Variants in COL4A3 observed in about 807,000 individuals in gnomAD.
The protein encoded by COL4A3 is collagen type IV alpha 3 chain, also known as collagen alpha-3(IV) chain.
A neutral mutation model predicts 217.4 loss-of-function variants in COL4A3; 135 were observed. The observed-to-expected ratio is 0.62, with a 90% CI of 0.54 to 0.72. COL4A3 has a LOEUF of 0.72. COL4A3 is among the 30% of genes least tolerant of loss of function. The probability of loss-of-function intolerance (pLI) is 0.00; values close to 1 mark genes in which losing one functional copy is unlikely to be tolerated. For missense variants in COL4A3, 1,868 were observed against 2,119.9 expected (o/e 0.88, Z 2.33); for synonymous variants, 690 against 736.3 (o/e 0.94, Z 1.02).
intron 1 of COL4A3, among the ~76,000 whole-genome samples, chr2:227,202,895 G>A (rs796466190): frequency 3.8e-5 from 1 of 26,354 alleles, no homozygotes; most frequent in African/African-American, 2.5e-4. Context: ...GTGTATATAT[G>A]TGTATATATG....
rs1464021029 is a variant in COL4A3 at position 227,164,724 on chromosome 2, A to G, written c.-3A>G. 2 of 1,530,154 alleles carry G rather than the reference A, an allele frequency of 1.3e-6. No individual in the cohort carries two copies. Among genetic ancestry groups the G allele is most frequent in the Non-Finnish European group, 1.7e-6 (2 of 1,145,096 alleles). 94.8% of individuals were successfully genotyped at this position (1,530,154 alleles called of 1,614,324 possible). A position where few individuals can be genotyped will look rare whatever the true frequency, so the allele number is the denominator to read the frequency against. On this transcript the variant is annotated 5_prime_UTR_variant, in exon 1 of 52. Transcript: ENST00000396578. This position sits in a 1 kb window ranked among gnomAD's most constrained non-coding sequence, Gnocchi z 4.8. The stretch of plus-strand genomic sequence containing the variant: ...TCGCCCAGGCTCTGAGCGCGCGCCC[A>G]CCATGAGCGCCCGGACCGCCCCCAG...
chr2:227,199,289 C>T lies in COL4A3; in HGVS notation c.87+34476C>T, dbSNP rs563430150. Among the ~76,000 whole-genome samples, 10 of 152,288 alleles carry T rather than the reference C, an allele frequency of 6.6e-5. No homozygotes were observed. In the South Asian group the frequency reaches 1.9e-3, roughly 28 times the overall value. Reference sequence around the variant, plus strand: ...CAGAGTTAGTCATGAATTTCCTTGTCTATTTCACCCCCATTCCTCCCCCAG... The same window carrying T: ...CAGAGTTAGTCATGAATTTCCTTGTTTATTTCACCCCCATTCCTCCCCCAG... On this transcript the variant is annotated intron_variant, in intron 1 of 51. Coordinates refer to ENST00000396578, the MANE Select transcript of COL4A3 (RefSeq NM_000091.5).
intron 8 of COL4A3, 74 bp from the exon 9 acceptor site, chr2:227,248,369 A>G (rs1225426901): frequency 1.1e-6 from 1 of 884,794 alleles, no homozygotes; most frequent in Non-Finnish European, 1.9e-6. Flanking sequence ...AAGAAATATA[A>G]CTTTGAATAA....
intron 47 of COL4A3, among the ~76,000 whole-genome samples, chr2:227,306,871 G>A (rs1174845205): frequency 6.6e-6 from 1 of 152,118 alleles, no homozygotes; most frequent in Non-Finnish European, 1.5e-5. Flanking sequence ...AGTCTGGTTG[G>A]GGAGGGAGTC....
chr2:227,304,269 A>G (rs2073410505), intron 46 of COL4A3, 125 bp downstream of exon 46: 4 of 1,296,388 alleles, frequency 3.1e-6, no homozygotes, highest in South Asian at 2.5e-5. Flanking sequence ...GGTTTTCACA[A>G]TCAGTCTTAG....
intron 1 of COL4A3, among the ~76,000 whole-genome samples, chr2:227,222,122 C>CTAATAATAA (rs367763401): frequency 0.011 from 1,131 of 105,248 alleles, 14 homozygotes; most frequent in East Asian, 0.031. Context: ...GACACTGTCT[C>CTAATAATAA]TAATAATAAT....
At position 227,289,207 on chromosome 2, in the gene COL4A3, T is replaced by C; in HGVS notation, c.2939T>C (p.Leu980Ser). The change falls in exon 35 of 52, where the codon TTA becomes TCA. Residue 980 changes from leucine to serine, a missense_variant. Leu to Ser is a moderately radical substitution (Grantham distance 145). Transcript: ENST00000396578. ...GNRGVPGMPG[L>S]KGLKGLPGPA... ...AGAGGCGTTCCAGGGATGCCAGGTT[T>C]AAAGGGCCTCAAAGGACTACCCGGA... The C allele has an allele frequency of 6.2e-7, 1 of 1,613,920 alleles. No individual in the cohort carries two copies. Among genetic ancestry groups the C allele is most frequent in the East Asian group, 2.2e-5 (1 of 44,888 alleles).
At chr2:227,173,892 C>T (rs572005457) in intron 1 of COL4A3, among the ~76,000 whole-genome samples, 1 of 152,148 alleles carries the variant, frequency 6.6e-6, no homozygotes, top group East Asian at 1.9e-4. Context: ...CATTTTCAAG[C>T]ATCTATAGCC....
chr2:227,307,311 T>C (rs1574839069), intron 47 of COL4A3, among the ~76,000 whole-genome samples: 1 of 152,342 alleles, frequency 6.6e-6, no homozygotes, highest in East Asian at 1.9e-4. Flanking sequence ...AAACCATAAG[T>C]AATTTTTGTT....
intron 46 of COL4A3, 21 bp downstream of exon 46, chr2:227,304,165 ACTTGGATCACTAGGAAGTGGTT>A: frequency 6.2e-7 from 1 of 1,613,424 alleles, no homozygotes; most frequent in African/African-American, 1.3e-5. Context: ...GGCAGCATTG[ACTTGGATCACTAGGAAGTGGTT>A]GAACCAAAAT....
At chr2:227,274,275 T>TAAATAAATAAATA in intron 26 of COL4A3, among the ~76,000 whole-genome samples, 1 of 73,810 alleles carries the variant, frequency 1.4e-5, no homozygotes, top group South Asian at 5.8e-4. Flanking sequence ...ATAAATAAAT[T>TAAATAAATAAATA]TTAAAAATCA....
rs1385977091 is a variant in COL4A3, at chr2:227,256,387, T to C, written c.978T>C (p.Asp326=). The change falls in exon 17 of 52, where the codon GAT becomes GAC. Residue 326 remains aspartate, a synonymous_variant. Coordinates refer to ENST00000396578, the MANE Select transcript of COL4A3 (RefSeq NM_000091.5). Reference sequence around the variant, plus strand: ...GTTTCCCTGGGTTAATGGGTGAAGATGGCATTAAGGTAATCCTCTCCCTAA... The same window carrying C: ...GTTTCCCTGGGTTAATGGGTGAAGACGGCATTAAGGTAATCCTCTCCCTAA... ...NRGFPGLMGE[D]GIKGQKGDIG... The C allele has an allele frequency of 1.9e-6, 3 of 1,613,034 alleles. No individual in the cohort carries two copies. Among genetic ancestry groups the C allele is most frequent in the South Asian group, 1.1e-5 (1 of 91,062 alleles).
At chr2:227,304,252 T>C (rs940933103) in intron 46 of COL4A3, 108 bp downstream of exon 46, 4 of 1,435,888 alleles carry the variant, frequency 2.8e-6, no homozygotes, top group Non-Finnish European at 3.9e-6. Context: ...ATGTTGAACA[T>C]GATAGTGGTT....
chr2:227,222,006 G>T (rs1490830569), intron 1 of COL4A3, among the ~76,000 whole-genome samples: 1 of 151,646 alleles, frequency 6.6e-6, no homozygotes, highest in Non-Finnish European at 1.5e-5. Flanking sequence ...CTTAAGCCAG[G>T]TGCAGTGGTG....
intron 4 of COL4A3, 22 bp downstream of exon 4, chr2:227,244,386 C>A (rs369339674): frequency 6.2e-7 from 1 of 1,610,754 alleles, no homozygotes; most frequent in Admixed American, 1.7e-5. Context: ...AACCAGTCCA[C>A]CCTGATCGTT....
At chr2:227,273,138 G>C (rs773214603) in intron 26 of COL4A3, 21 bp downstream of exon 26, 9 of 1,612,332 alleles carry the variant, frequency 5.6e-6, no homozygotes, top group South Asian at 3.3e-5. Flanking sequence ...TTTCTTTCCA[G>C]TCCTGTTTTC....
intron 41 of COL4A3, among the ~76,000 whole-genome samples, chr2:227,297,330 T>C (rs142654478): frequency 4.6e-5 from 7 of 152,344 alleles, no homozygotes; most frequent in African/African-American, 1.4e-4. Flanking sequence ...GCTTACACCA[T>C]GCTTTTATGT....
At chr2:227,306,052 C>G (rs1036879618) in intron 47 of COL4A3, among the ~76,000 whole-genome samples, 5 of 152,154 alleles carry the variant, frequency 3.3e-5, no homozygotes, top group African/African-American at 1.2e-4. Context: ...CATAGGTGCA[C>G]AGTAGAGTGC....
intron 34 of COL4A3, among the ~76,000 whole-genome samples, chr2:227,286,668 G>A (rs901807777): frequency 7.2e-5 from 11 of 152,202 alleles, no homozygotes; most frequent in Non-Finnish European, 7.3e-5. Context: ...CTCTGTAGGA[G>A]TTGAGGGAAG....
Sources: gnomAD v4.1 joint callset for allele counts (sites outside exome capture counted in the v4.1 genomes callset) on GRCh38, gnomAD v4.1.1 for gene constraint, Gnocchi (gnomAD v3.1) non-coding constraint, MANE v1.5 for transcripts, NCBI Gene and HGNC (gene_info 2026-07-23, HGNC 2026-07-21) for gene names.